The following DAB1 variants were observed in gnomAD, a reference collection of about 807,000 sequenced individuals.
DAB1 encodes DAB adaptor protein 1, also known as disabled homolog 1.
A neutral mutation model predicts 64.6 loss-of-function variants in DAB1; 15 were observed. The observed-to-expected ratio is 0.23, with a 90% CI of 0.16 to 0.36. The LOEUF is 0.36. Ranked by LOEUF, DAB1 falls within the 10% of genes least tolerant of loss-of-function variation. The pLI is 1.00. For synonymous variants in DAB1, 235 were observed against 251.9 expected, an observed-to-expected ratio of 0.93 and a Z score of 0.64; for missense variants, 596 against 706.7, an observed-to-expected ratio of 0.84 and a Z score of 1.78.
At chr1:58,289,485 C>A (rs116604882) in intron 4 of DAB1, among the ~76,000 whole-genome samples, 1 of 152,146 alleles carries the variant, frequency 6.6e-6, no homozygotes, top group East Asian at 1.9e-4. Context: ...AGTTCAATAA[C>A]ACATGATTTT....
intron 2 of DAB1, among the ~76,000 whole-genome samples, chr1:58,524,582 G>A (rs1483069191): frequency 6.6e-6 from 1 of 152,210 alleles, no homozygotes; most frequent in African/African-American, 2.4e-5. Flanking sequence ...CTTGCTGGTA[G>A]AGTTGCAGCT....
At chr1:57,880,206 T>C (rs1644122450) in intron 1 of DAB1, 1 of 151,852 alleles carries the variant, frequency 6.6e-6, no homozygotes, top group Admixed American at 6.6e-5. Context: ...TCTCTTTTGG[T>C]TGCCTGCTCT....
At position 57,018,833 on chromosome 1, in the gene DAB1, A is replaced by G. The variant is rs550146277; in HGVS notation, c.896-3402T>C. On this transcript the variant is annotated intron_variant, in intron 11 of 14. Transcript: ENST00000371236. ...GGTCAGCTCCTTCCACCTCTTCATC[A>G]CTATCTTCAATCCATATCCTCACTG... 5.3e-5 allele frequency among the ~76,000 whole-genome samples: 8 copies of G among 152,176 alleles called. 1 individual carries two copies. In the South Asian group the frequency reaches 1.5e-3, roughly 28 times the overall value.
chr1:57,013,949 A>G (rs147978821), intron 12 of DAB1, among the ~76,000 whole-genome samples: 6 of 152,338 alleles, frequency 3.9e-5, no homozygotes, highest in African/African-American at 1.2e-4. Flanking sequence ...TTTACCAATG[A>G]TAAAACTGAG....
intron 5 of DAB1, among the ~76,000 whole-genome samples, chr1:58,039,449 A>G (rs1231570322): frequency 6.6e-6 from 1 of 152,146 alleles, no homozygotes; most frequent in Non-Finnish European, 1.5e-5. Context: ...GCACCCCCAC[A>G]AGGCATGGCA....
intron 3 of DAB1, among the ~76,000 whole-genome samples, chr1:58,439,261 A>C (rs1644981339): frequency 6.7e-6 from 1 of 150,256 alleles, no homozygotes; most frequent in Non-Finnish European, 1.5e-5. Context: ...TTCAAGTATC[A>C]CCTCCTCCAG....
intron 5 of DAB1, among the ~76,000 whole-genome samples, chr1:57,976,371 A>G (rs900861837): frequency 2.0e-5 from 3 of 152,142 alleles, no homozygotes; most frequent in Admixed American, 2.0e-4. Flanking sequence ...CAAAGCTTCA[A>G]ATTGATTTAA....
At chr1:58,325,673 T>C (rs558442602) in intron 4 of DAB1, among the ~76,000 whole-genome samples, 31 of 152,306 alleles carry the variant, frequency 2.0e-4, no homozygotes, top group Non-Finnish European at 4.4e-4. Flanking sequence ...ATGGGACCAT[T>C]CTAAAGATTA....
At chr1:57,682,034 A>C (rs910137322) in intron 6 of DAB1, among the ~76,000 whole-genome samples, 3 of 152,134 alleles carry the variant, frequency 2.0e-5, no homozygotes, top group African/African-American at 7.2e-5. Flanking sequence ...TCTCATTCTG[A>C]AACAGAAGTA....
intron 4 of DAB1, among the ~76,000 whole-genome samples, chr1:58,176,255 C>G (rs1449816385): frequency 6.6e-6 from 1 of 152,122 alleles, no homozygotes; most frequent in African/African-American, 2.4e-5. Context: ...ATGTAAAAAA[C>G]AGATAAAGTA....
chr1:58,056,715 T>C (rs76952373), intron 5 of DAB1, among the ~76,000 whole-genome samples: 6,555 of 152,266 alleles, frequency 0.043, 179 homozygotes, highest in Middle Eastern at 0.079. Flanking sequence ...TCTCTTGTTC[T>C]CTTTTGTCCT....
chr1:57,354,001 A>C (rs978490652), intron 1 of DAB1, among the ~76,000 whole-genome samples: 7 of 152,168 alleles, frequency 4.6e-5, no homozygotes, highest in East Asian at 1.9e-4. Context: ...AAATTTTTGA[A>C]AGGAATTCTC....
rs145726394 is a variant in DAB1 at position 58,430,312 on chromosome 1, A to T, written n.257+75748T>A. Among the ~76,000 whole-genome samples the T allele has an allele frequency of 4.0e-4, 61 of 152,354 alleles. 1 individual carries two copies. The highest frequency in any genetic ancestry group is 1.3e-3 in the African/African-American group (52 of 41,584). On this transcript the variant is annotated intron_variant and non_coding_transcript_variant, in intron 3 of 20. Transcript: ENST00000485760. ...TACTCAATAAGCTGTCTTGACAGAG[A>T]GTGCAAACTGTGGGCCTGAGTGGAG...
At chr1:57,398,499 T>G (rs891487667) in intron 1 of DAB1, among the ~76,000 whole-genome samples, 1 of 152,186 alleles carries the variant, frequency 6.6e-6, no homozygotes, top group African/African-American at 2.4e-5. Flanking sequence ...ATTTGTTTGT[T>G]TGTTTCGGAA....
rs188999984 is a variant in DAB1 at position 57,578,403 on chromosome 1, T to C, written n.625+71189A>G. Among the ~76,000 whole-genome samples, 27 of 152,280 alleles carry C rather than the reference T, an allele frequency of 1.8e-4. No homozygotes were observed. In the East Asian group the frequency reaches 5.0e-3, roughly 28 times the overall value. On this transcript the variant is annotated intron_variant and non_coding_transcript_variant, in intron 7 of 20. Transcript: ENST00000485760. Reference sequence around the variant, plus strand: ...CCCTATGAGTTCAGTGAAAAAAGCTTCATGGGCTTTGGAGTTACAGGCTTA... The same window carrying C: ...CCCTATGAGTTCAGTGAAAAAAGCTCCATGGGCTTTGGAGTTACAGGCTTA...
At chr1:58,238,940 A>G (rs1400140226) in intron 4 of DAB1, among the ~76,000 whole-genome samples, 2 of 152,180 alleles carry the variant, frequency 1.3e-5, no homozygotes, top group Non-Finnish European at 2.9e-5. Context: ...GGTATATACC[A>G]TATGCATAGA....
rs182117352 is a variant in DAB1, at chr1:57,083,174, T to C, written c.307-10760A>G. Among the ~76,000 whole-genome samples the C allele has an allele frequency of 9.4e-3, 1,430 of 152,242 alleles. 13 individuals carry two copies. The highest frequency in any genetic ancestry group is 0.017 in the Middle Eastern group (5 of 294). ...CAACCTTGCCTATTATTTCCCCTAC[T>C]TTACTATGGAGGTACCTGAGACACA... On this transcript the variant is annotated intron_variant, in intron 4 of 14. Transcript: ENST00000371236.
intron 4 of DAB1, among the ~76,000 whole-genome samples, chr1:58,262,163 A>G (rs1490424202): frequency 6.6e-6 from 1 of 152,212 alleles, no homozygotes; most frequent in African/African-American, 2.4e-5. Flanking sequence ...GCAGTCCCCT[A>G]GAACACTATC....
In DAB1 at chr1:57,192,995, T is replaced by C. The variant is rs555871944; in HGVS notation, c.68-47566A>G. Among the ~76,000 whole-genome samples the C allele has an allele frequency of 2.6e-5, 4 of 152,348 alleles. No individual in the cohort carries two copies. The South Asian group carries it at 8.3e-4, about 32-fold the overall frequency. ...ACAACATGATGTTTTGAAATATGTA[T>C]ACATTGTGGAATGGCTAAATCAAGC... On this transcript the variant is annotated intron_variant, in intron 2 of 14. Transcript: ENST00000371236.
Sources: allele counts gnomAD v4.1 joint callset (sites outside exome capture counted in the v4.1 genomes callset), GRCh38; gene constraint gnomAD v4.1.1; transcripts MANE v1.5; gene names NCBI Gene and HGNC (gene_info 2026-07-23, HGNC 2026-07-21).